The following SSBP2 variants were observed in gnomAD, a reference collection of about 807,000 sequenced individuals.
The protein encoded by SSBP2 is single stranded DNA binding protein 2.
A neutral mutation model predicts 61.8 loss-of-function variants in SSBP2; 17 were observed. That is an observed-to-expected ratio of 0.28 (90% CI 0.19 to 0.41). SSBP2 has a LOEUF of 0.41. Among genes scored for constraint, SSBP2 ranks in the 10% least tolerant of loss-of-function variants. The pLI is 1.00. For synonymous variants in SSBP2, 139 were observed against 141.3 expected (o/e 0.98, Z 0.12); for missense variants, 310 against 458.7 (o/e 0.68, Z 2.96).
In SSBP2 at chr5:81,716,207, C is replaced by A. The variant is rs117619981; in HGVS notation, c.62+34774G>T. Among the ~76,000 whole-genome samples, 72 of 151,010 alleles carry A rather than the reference C, an allele frequency of 4.8e-4. 1 individual carries two copies. The East Asian group carries it at 0.013, about 27-fold the overall frequency. On this transcript the variant is annotated intron_variant, in intron 1 of 16. Transcript: ENST00000320672. ...TATTTGGATTTATGACAATAAACAC[C>A]AAAAAAAATCAGCTAAAATAGTTGA...
chr5:81,459,524 C>T (rs1398342152), intron 10 of SSBP2, among the ~76,000 whole-genome samples: 1 of 152,014 alleles, frequency 6.6e-6, no homozygotes, highest in Non-Finnish European at 1.5e-5. Flanking sequence ...GGTTTTTGTG[C>T]TTCTAGGTGG....
chr5:81,611,798 A>G (rs376309474), intron 4 of SSBP2, among the ~76,000 whole-genome samples: 1 of 152,144 alleles, frequency 6.6e-6, no homozygotes, highest in South Asian at 2.1e-4. Context: ...AAATAAAGTC[A>G]TCCTGTTCTG....
intron 6 of SSBP2, among the ~76,000 whole-genome samples, chr5:81,478,315 C>A (rs902139540): frequency 6.6e-6 from 1 of 151,956 alleles, no homozygotes; most frequent in Non-Finnish European, 1.5e-5. Context: ...TGCATGCCCC[C>A]ACACCTGCCT....
chr5:81,486,074 G>C (rs1766357467), intron 6 of SSBP2, among the ~76,000 whole-genome samples: 1 of 152,148 alleles, frequency 6.6e-6, no homozygotes, highest in Non-Finnish European at 1.5e-5. Context: ...GTGTATGTAT[G>C]TGTGTGCACT....
chr5:81,694,537 GA>G (rs776689499), intron 1 of SSBP2, among the ~76,000 whole-genome samples: 8 of 151,616 alleles, frequency 5.3e-5, no homozygotes, highest in South Asian at 2.1e-4. Flanking sequence ...TCTGGCTTTA[GA>G]AGTTTTTTTT....
chr5:81,415,450 G>C lies in SSBP2; in HGVS notation c.*5054C>G, dbSNP rs1317396174. 1 of 152,060 alleles carries C rather than the reference G, an allele frequency of 6.6e-6. No individual in the cohort carries two copies. The highest frequency in any genetic ancestry group is 2.4e-5 in the African/African-American group (1 of 41,382). 9.4% of individuals were successfully genotyped at this position (152,060 alleles called of 1,614,324 possible). A position where few individuals can be genotyped will look rare whatever the true frequency, so the allele number is the denominator to read the frequency against. ...ATACCTAATACAATGTATTATAAATGCCATGGAAATCATTGTTACAATGTA... is the reference window on the plus strand; with the variant it reads ...ATACCTAATACAATGTATTATAAATCCCATGGAAATCATTGTTACAATGTA... On this transcript the variant is annotated 3_prime_UTR_variant, in exon 17 of 17. Coordinates refer to ENST00000320672, the MANE Select transcript of SSBP2 (RefSeq NM_012446.5).
intron 4 of SSBP2, among the ~76,000 whole-genome samples, chr5:81,579,347 T>C (rs886388876): frequency 3.3e-5 from 5 of 151,890 alleles, no homozygotes; most frequent in African/African-American, 4.8e-5. Flanking sequence ...AATGAATCAA[T>C]TGGAGAAGAA....
chr5:81,554,053 T>G (rs563297853), intron 4 of SSBP2, among the ~76,000 whole-genome samples: 1 of 152,128 alleles, frequency 6.6e-6, no homozygotes, highest in South Asian at 2.1e-4. Flanking sequence ...AGAAATCCAT[T>G]AATTTTAAAA....
At chr5:81,593,471 A>G (rs1427766833) in intron 4 of SSBP2, among the ~76,000 whole-genome samples, 1 of 152,180 alleles carries the variant, frequency 6.6e-6, no homozygotes, top group East Asian at 1.9e-4. Context: ...CCAACATTCA[A>G]ATTCAGGAAA....
chr5:81,515,097 A>T (rs942875404), intron 4 of SSBP2, among the ~76,000 whole-genome samples: 1 of 152,008 alleles, frequency 6.6e-6, no homozygotes, highest in African/African-American at 2.4e-5. Flanking sequence ...TTCATGTTTT[A>T]AAAAAAGAGA....
intron 4 of SSBP2, among the ~76,000 whole-genome samples, chr5:81,582,267 C>G (rs1774716040): frequency 6.6e-6 from 1 of 152,000 alleles, no homozygotes; most frequent in African/African-American, 2.4e-5. Context: ...ACTATGTTTT[C>G]TTTATTTTTA....
chr5:81,442,550 G>A (rs1763101950), intron 13 of SSBP2, 103 bp downstream of exon 13: 2 of 652,136 alleles, frequency 3.1e-6, no homozygotes, highest in South Asian at 2.1e-5. Flanking sequence ...ATAAGCTCCT[G>A]GATAATAAAA....
intron 4 of SSBP2, among the ~76,000 whole-genome samples, chr5:81,571,531 T>A (rs1315072903): frequency 6.6e-6 from 1 of 152,172 alleles, no homozygotes; most frequent in Non-Finnish European, 1.5e-5. Context: ...AAACTCCCCG[T>A]TATATTTTCC....
intron 12 of SSBP2, among the ~76,000 whole-genome samples, chr5:81,445,098 G>C (rs1247696946): frequency 7.1e-6 from 1 of 141,384 alleles, no homozygotes. Context: ...ACTCCAGCCT[G>C]GGTGACAGAG....
At chr5:81,743,489 CTTA>C (rs1218747376) in intron 1 of SSBP2, among the ~76,000 whole-genome samples, 1 of 152,030 alleles carries the variant, frequency 6.6e-6, no homozygotes, top group Non-Finnish European at 1.5e-5. Flanking sequence ...CATTTATTTG[CTTA>C]TTATTATATA....
At chr5:81,633,295 T>C (rs189627594) in intron 3 of SSBP2, among the ~76,000 whole-genome samples, 4 of 152,030 alleles carry the variant, frequency 2.6e-5, no homozygotes, top group African/African-American at 7.2e-5. Context: ...TTTGTATTTT[T>C]AGTAGCGACA....
chr5:81,708,021 A>C (rs1754515624), intron 1 of SSBP2, among the ~76,000 whole-genome samples: 1 of 152,158 alleles, frequency 6.6e-6, no homozygotes, highest in South Asian at 2.1e-4. Flanking sequence ...GATGTTAAAC[A>C]CTAAATTAAA....
At chr5:81,535,757 T>C (rs1042485513) in intron 4 of SSBP2, among the ~76,000 whole-genome samples, 1 of 151,556 alleles carries the variant, frequency 6.6e-6, no homozygotes, top group African/African-American at 2.4e-5. Flanking sequence ...TTTAGAAAAA[T>C]TACATCAAAA....
intron 6 of SSBP2, among the ~76,000 whole-genome samples, chr5:81,488,582 T>C (rs1038033950): frequency 1.1e-4 from 16 of 152,270 alleles, no homozygotes; most frequent in African/African-American, 3.9e-4. Context: ...CTTTAAGTTT[T>C]AGGGTACATG....
Sources: gnomAD v4.1 joint callset for allele counts (sites outside exome capture counted in the v4.1 genomes callset) on GRCh38, gnomAD v4.1.1 for gene constraint, MANE v1.5 for transcripts, NCBI Gene and HGNC (gene_info 2026-07-23, HGNC 2026-07-21) for gene names.